The following FHIT variants were observed in gnomAD, a reference collection of about 807,000 sequenced individuals.
The protein encoded by FHIT is bis(5'-adenosyl)-triphosphatase.
A neutral mutation model predicts 17.9 loss-of-function variants in FHIT; 19 were observed. The observed-to-expected ratio is 1.06, with a 90% CI of 0.74 to 1.56. The LOEUF (loss-of-function observed/expected upper bound fraction) is 1.56, where lower values mean the gene tolerates loss of function less well. Among genes scored for constraint, FHIT ranks in the 40% most tolerant of loss-of-function variants. The pLI is 0.00. For synonymous variants in FHIT, 81 were observed against 69.7 expected (o/e 1.16, Z -0.81); for missense variants, 248 against 189.2 (o/e 1.31, Z -1.82).
At chr3:59,869,636 C>T (rs2106894936) in intron 8 of FHIT, among the ~76,000 whole-genome samples, 1 of 137,380 alleles carries the variant, frequency 7.3e-6, no homozygotes, top group South Asian at 2.5e-4. Context: ...TGCCCGCCAC[C>T]ACGCCCAGCT....
At chr3:60,942,832 T>C (rs1479265343) in intron 3 of FHIT, among the ~76,000 whole-genome samples, 2 of 152,186 alleles carry the variant, frequency 1.3e-5, no homozygotes, top group Non-Finnish European at 2.9e-5. Context: ...TATACATTTA[T>C]GAGTCTATAA....
intron 5 of FHIT, among the ~76,000 whole-genome samples, chr3:60,091,576 C>G (rs1267970299): frequency 2.0e-5 from 3 of 152,052 alleles, no homozygotes; most frequent in Admixed American, 2.0e-4. Context: ...AATCTGTGTC[C>G]CTGCCCAAAT....
intron 2 of FHIT, among the ~76,000 whole-genome samples, chr3:61,042,867 T>A (rs1051637663): frequency 7.2e-5 from 11 of 152,178 alleles, no homozygotes; most frequent in East Asian, 1.9e-4. Context: ...AACACTTTTT[T>A]TTAAAAAGTA....
chr3:61,158,698 T>C (rs2037602942), intron 2 of FHIT, among the ~76,000 whole-genome samples: 1 of 152,188 alleles, frequency 6.6e-6, no homozygotes, highest in Admixed American at 6.5e-5. Context: ...TTTTACAAAA[T>C]AACAACACCA....
intron 5 of FHIT, among the ~76,000 whole-genome samples, chr3:60,504,252 G>C (rs1212555651): frequency 6.6e-6 from 1 of 151,980 alleles, no homozygotes; most frequent in East Asian, 1.9e-4. Context: ...TGGCCAACAT[G>C]GTGAAACCCC....
intron 5 of FHIT, among the ~76,000 whole-genome samples, chr3:60,377,693 G>C (rs1427953608): frequency 6.7e-6 from 1 of 149,948 alleles, no homozygotes; most frequent in Non-Finnish European, 1.5e-5. Context: ...TTGTTAGCCA[G>C]GATGGTCTCG....
At chr3:60,209,721 T>C (rs1004333919) in intron 5 of FHIT, among the ~76,000 whole-genome samples, 5 of 152,142 alleles carry the variant, frequency 3.3e-5, no homozygotes, top group African/African-American at 4.8e-5. Context: ...CAAGAAAATG[T>C]GGTACATATA....
intron 7 of FHIT, among the ~76,000 whole-genome samples, chr3:59,998,530 T>G (rs1699605727): frequency 6.6e-6 from 1 of 152,106 alleles, no homozygotes; most frequent in Non-Finnish European, 1.5e-5. Flanking sequence ...TTAGAGAGAT[T>G]CATTTACTAG....
At chr3:60,034,041 T>C (rs975172628) in intron 5 of FHIT, among the ~76,000 whole-genome samples, 2 of 152,242 alleles carry the variant, frequency 1.3e-5, no homozygotes, top group African/African-American at 2.4e-5. Flanking sequence ...GTGACTTACA[T>C]GATTGAGTAC....
At chr3:60,505,929 C>T (rs2034710048) in intron 5 of FHIT, among the ~76,000 whole-genome samples, 1 of 152,166 alleles carries the variant, frequency 6.6e-6, no homozygotes, top group African/African-American at 2.4e-5. Context: ...CCAAATATGG[C>T]CTCCTCATGC....
intron 5 of FHIT, among the ~76,000 whole-genome samples, chr3:60,066,326 C>G (rs1215557775): frequency 6.6e-6 from 1 of 152,118 alleles, no homozygotes; most frequent in Non-Finnish European, 1.5e-5. Context: ...TAAGAGCTTC[C>G]CATTCCCAGG....
chr3:60,017,549 T>G (rs1700391198), intron 5 of FHIT, among the ~76,000 whole-genome samples: 1 of 152,214 alleles, frequency 6.6e-6, no homozygotes, highest in Non-Finnish European at 1.5e-5. Context: ...CCATTGCTTG[T>G]TGGACAGTCT....
intron 2 of FHIT, among the ~76,000 whole-genome samples, chr3:61,128,446 C>T (rs2036672272): frequency 6.6e-6 from 1 of 152,104 alleles, no homozygotes. Flanking sequence ...TAGCATTCTT[C>T]CCTAATTTTT....
At chr3:60,161,080 C>T (rs1353964171) in intron 5 of FHIT, among the ~76,000 whole-genome samples, 1 of 152,212 alleles carries the variant, frequency 6.6e-6, no homozygotes, top group Non-Finnish European at 1.5e-5. Flanking sequence ...GACTTGGCTT[C>T]TGTCCTTCAG....
At chr3:60,860,358 T>C (rs1575606875) in intron 3 of FHIT, among the ~76,000 whole-genome samples, 1 of 143,812 alleles carries the variant, frequency 7.0e-6, no homozygotes, top group East Asian at 2.0e-4. Flanking sequence ...TATGTATACA[T>C]GACATACATC....
rs866260328 is a variant in FHIT, at chr3:61,034,747, G to C, written c.-111+7300C>G. ...GTAGTTTCTCAAAAATTTAGATATG[G>C]AATTACCATGTACCCCAGAAATCTC... On this transcript the variant is annotated intron_variant, in intron 3 of 9. Coordinates refer to ENST00000492590, the MANE Select transcript of FHIT (RefSeq NM_002012.4). 5.3e-5 allele frequency among the ~76,000 whole-genome samples: 8 copies of C among 152,212 alleles called. No homozygotes were observed. In the South Asian group the frequency reaches 6.2e-4, roughly 12 times the overall value.
intron 4 of FHIT, among the ~76,000 whole-genome samples, chr3:60,586,823 T>C (rs1553662231): frequency 1.3e-5 from 2 of 151,648 alleles, no homozygotes; most frequent in African/African-American, 4.8e-5. Flanking sequence ...AGGCGAACAA[T>C]AGACAATGGG....
At chr3:61,051,249 CTGTTTGTTTGTT>C (rs57097773) in intron 2 of FHIT, among the ~76,000 whole-genome samples, 12 of 150,804 alleles carry the variant, frequency 8.0e-5, no homozygotes, top group South Asian at 2.1e-4. Flanking sequence ...ACCACTATCT[CTGTTTGTTTGTT>C]TGTTTGTTTG....
chr3:59,857,665 A>G (rs1702214551), intron 8 of FHIT, among the ~76,000 whole-genome samples: 1 of 148,414 alleles, frequency 6.7e-6, no homozygotes, highest in African/African-American at 2.5e-5. Flanking sequence ...TAAAGATTAC[A>G]GAGTGACGTC....
Sources: gnomAD v4.1 joint callset for allele counts (sites outside exome capture counted in the v4.1 genomes callset) on GRCh38, gnomAD v4.1.1 for gene constraint, MANE v1.5 for transcripts, NCBI Gene and HGNC (gene_info 2026-07-23, HGNC 2026-07-21) for gene names.